GADL1: variants seen among roughly 807,000 people sequenced by gnomAD.
GADL1 encodes the protein GAD like acidic amino acid decarboxylase 1, also known as acidic amino acid decarboxylase GADL1.
Under a neutral mutation model 69.5 loss-of-function variants are expected in GADL1, and 71 were observed. That is an observed-to-expected ratio of 1.02 (90% CI 0.84 to 1.25). The LOEUF (loss-of-function observed/expected upper bound fraction) is 1.25, where lower values mean the gene tolerates loss of function less well. Ranked by LOEUF, GADL1 falls within the 50% of genes most tolerant of loss-of-function variation. The pLI is 0.00. For synonymous variants in GADL1, 254 were observed against 214.4 expected (o/e 1.18, Z -1.62); for missense variants, 737 against 631.8 (o/e 1.17, Z -1.79).
At position 30,800,923 on chromosome 3, in the gene GADL1, C is replaced by T; in HGVS notation, c.1216G>A (p.Glu406Lys). ...TWKALGTLGL[E>K]ERVNRALALS... is the part of the protein sequence containing the mutation. ...GCAAGAGCACGATTAACTCTTTCTT[C>T]AAGGCCTAATGTACCCAGGGCCTTC... The change falls in exon 12 of 15, where the codon GAA becomes AAA. Residue 406 changes from glutamate (E) to lysine (K), a missense_variant. Glu to Lys is a moderately conservative substitution (Grantham distance 56, BLOSUM62 1). Transcript: ENST00000282538. 2 of 1,612,086 alleles carry T rather than the reference C, an allele frequency of 1.2e-6. No individual in the cohort carries two copies. Among genetic ancestry groups the T allele is most frequent in the Non-Finnish European group, 1.7e-6 (2 of 1,179,548 alleles).
intron 14 of GADL1, among the ~76,000 whole-genome samples, chr3:30,770,211 G>T (rs377572261): frequency 6.6e-6 from 1 of 152,062 alleles, no homozygotes; most frequent in South Asian, 2.1e-4. Context: ...GCTTCTATAC[G>T]TACTTGGGTT....
In GADL1 at chr3:30,727,989, A is replaced by G. The variant is rs1013846150; in HGVS notation, c.*253T>C. 1 of 360,774 alleles carries G rather than the reference A, an allele frequency of 2.8e-6. No homozygotes were observed. The highest frequency in any genetic ancestry group is 4.7e-5 in the East Asian group (1 of 21,368). The allele number at this position is 360,774 out of a possible 1,614,324, so 22.3% of individuals were successfully genotyped here. ...ATGGTACTTACTAAACTCTCTTCAG[A>G]GCTGTGTTCCAGGGGCATTCCTTGA... On this transcript the variant is annotated 3_prime_UTR_variant, in exon 15 of 15. Coordinates refer to ENST00000282538, the MANE Select transcript of GADL1 (RefSeq NM_207359.3).
chr3:30,765,506 C>CCTTGT (rs1696255127), intron 14 of GADL1, among the ~76,000 whole-genome samples: 1 of 152,158 alleles, frequency 6.6e-6, no homozygotes, highest in Non-Finnish European at 1.5e-5. Flanking sequence ...ATTGTGAAAA[C>CCTTGT]ATACAAGGAC....
intron 11 of GADL1, among the ~76,000 whole-genome samples, chr3:30,826,748 T>TTTTTTTTTTTTTTTTTTTTTGAGACG (rs1697688619): frequency 6.6e-6 from 1 of 151,802 alleles, no homozygotes; most frequent in African/African-American, 2.4e-5. Context: ...CTCTTCTACT[T>TTTTTTTTTTTTTTTTTTTTTGAGACG]GTCCAGTCTC....
intron 12 of GADL1, among the ~76,000 whole-genome samples, chr3:30,795,338 T>C (rs1697010906): frequency 6.6e-6 from 1 of 152,180 alleles, no homozygotes; most frequent in African/African-American, 2.4e-5. Flanking sequence ...CGATTATAGC[T>C]GGAAGAGTTA....
At chr3:30,761,149 T>TAAA (rs1696119356) in intron 14 of GADL1, among the ~76,000 whole-genome samples, 1 of 152,240 alleles carries the variant, frequency 6.6e-6, no homozygotes, top group East Asian at 1.9e-4. Context: ...TTATATTGTA[T>TAAA]GCTTTATTTA....
At chr3:30,848,611 T>G (rs1184130540) in intron 6 of GADL1, among the ~76,000 whole-genome samples, 1 of 151,990 alleles carries the variant, frequency 6.6e-6, no homozygotes, top group Non-Finnish European at 1.5e-5. Flanking sequence ...GATGAAGCAG[T>G]GGTAGAATAG....
intron 1 of GADL1, among the ~76,000 whole-genome samples, chr3:30,885,570 T>A (rs919770703): frequency 6.6e-6 from 1 of 152,106 alleles, no homozygotes; most frequent in Non-Finnish European, 1.5e-5. Flanking sequence ...AGAAAAATTC[T>A]ATTATCAACC....
At chr3:30,774,548 A>G (rs1696489900) in intron 14 of GADL1, among the ~76,000 whole-genome samples, 1 of 152,066 alleles carries the variant, frequency 6.6e-6, no homozygotes, top group South Asian at 2.1e-4. Context: ...TTCATAGACT[A>G]CATTCACTGT....
At chr3:30,759,596 A>G (rs795446) in intron 14 of GADL1, among the ~76,000 whole-genome samples, 64,310 of 151,878 alleles carry the variant, frequency 0.42, 13,667 homozygotes, top group Non-Finnish European at 0.44. Context: ...AATTGTCACT[A>G]GGTTTTATTC....
chr3:30,769,781 C>T (rs767821293), intron 14 of GADL1, among the ~76,000 whole-genome samples: 12 of 152,156 alleles, frequency 7.9e-5, no homozygotes, highest in African/African-American at 2.4e-4. Flanking sequence ...AGTATGAGAC[C>T]GTTATCTTCT....
At chr3:30,846,818 G>A (rs557389488) in intron 6 of GADL1, among the ~76,000 whole-genome samples, 137 of 152,102 alleles carry the variant, frequency 9.0e-4, no homozygotes, top group Middle Eastern at 3.4e-3. Flanking sequence ...ACATCCCATC[G>A]CAACTCAACC....
At chr3:30,758,189 G>A (rs1250221877) in intron 14 of GADL1, among the ~76,000 whole-genome samples, 1 of 152,108 alleles carries the variant, frequency 6.6e-6, no homozygotes, top group East Asian at 1.9e-4. Flanking sequence ...AACATTCTTT[G>A]CCTTTGTAGT....
chr3:30,805,350 T>C (rs1041526748), intron 11 of GADL1, among the ~76,000 whole-genome samples: 4 of 152,044 alleles, frequency 2.6e-5, no homozygotes, highest in African/African-American at 9.7e-5. Context: ...CTTAAATACG[T>C]GTGAAAGAGG....
chr3:30,740,167 C>T (rs1248378307), intron 14 of GADL1, among the ~76,000 whole-genome samples: 1 of 152,166 alleles, frequency 6.6e-6, no homozygotes, highest in African/African-American at 2.4e-5. Flanking sequence ...CTAAGCTCTG[C>T]TTTACCTGCT....
intron 14 of GADL1, among the ~76,000 whole-genome samples, chr3:30,760,624 T>G (rs1030935389): frequency 2.7e-4 from 41 of 152,322 alleles, no homozygotes; most frequent in African/African-American, 9.1e-4. Flanking sequence ...CCAAATTTAA[T>G]AATTACTACG....
At chr3:30,834,021 T>A (rs1319152584) in intron 10 of GADL1, 87 bp from the exon 11 acceptor site, 4 of 978,830 alleles carry the variant, frequency 4.1e-6, no homozygotes, top group Non-Finnish European at 6.6e-6. Flanking sequence ...AATATCTGCA[T>A]TCAGTACTCA....
chr3:30,808,936 T>C (rs1008251199), intron 11 of GADL1, among the ~76,000 whole-genome samples: 1 of 152,220 alleles, frequency 6.6e-6, no homozygotes, highest in African/African-American at 2.4e-5. Flanking sequence ...CCTGTGTCTG[T>C]TCTTCTGTGT....
At chr3:30,765,994 C>T (rs115457955) in intron 14 of GADL1, among the ~76,000 whole-genome samples, 1 of 152,170 alleles carries the variant, frequency 6.6e-6, no homozygotes, top group African/African-American at 2.4e-5. Context: ...TACTCATGCT[C>T]AGGTGCCAGG....
Sources: allele counts gnomAD v4.1 joint callset (sites outside exome capture counted in the v4.1 genomes callset), GRCh38; gene constraint gnomAD v4.1.1; transcripts MANE v1.5; gene names NCBI Gene and HGNC (gene_info 2026-07-23, HGNC 2026-07-21).